The following PRKD1 variants were observed in gnomAD, a reference collection of about 807,000 sequenced individuals.
PRKD1 encodes protein kinase D1, also known as serine/threonine-protein kinase D1.
In PRKD1, 63 loss-of-function variants were observed where a neutral mutation model predicts 95.9. That is an observed-to-expected ratio of 0.66 (90% CI 0.54 to 0.81). The LOEUF is 0.81. PRKD1 is among the 30% of genes least tolerant of loss of function. PRKD1 has a pLI of 0.00. For missense variants in PRKD1, 1,048 were observed against 1,165.3 expected (o/e 0.90, Z 1.47); for synonymous variants, 425 against 423.1 (o/e 1.00, Z -0.05).
intron 1 of PRKD1, among the ~76,000 whole-genome samples, chr14:29,916,404 A>G (rs139195380): frequency 2.6e-5 from 4 of 152,326 alleles, no homozygotes; most frequent in Admixed American, 6.5e-5. Context: ...CTCAGGTGCC[A>G]TAAGTCTCAG....
intron 1 of PRKD1, among the ~76,000 whole-genome samples, chr14:29,863,306 G>A (rs752123600): frequency 1.3e-5 from 2 of 151,892 alleles, no homozygotes; most frequent in Non-Finnish European, 2.9e-5. Flanking sequence ...ATAGATTAAG[G>A]CAAAAACAAG....
intron 1 of PRKD1, among the ~76,000 whole-genome samples, chr14:29,816,290 C>G (rs1033876018): frequency 2.6e-5 from 4 of 152,130 alleles, no homozygotes; most frequent in Admixed American, 2.0e-4. Context: ...TTCTTAGAAG[C>G]TTTTTATCAG....
chr14:29,604,974 G>C (rs913389917), intron 13 of PRKD1, among the ~76,000 whole-genome samples: 53 of 152,066 alleles, frequency 3.5e-4, no homozygotes, highest in African/African-American at 1.2e-3. Flanking sequence ...GAATCACCTA[G>C]GTCAGAAACC....
At chr14:29,838,755 T>C (rs1221607903) in intron 1 of PRKD1, among the ~76,000 whole-genome samples, 4 of 152,224 alleles carry the variant, frequency 2.6e-5, no homozygotes, top group Non-Finnish European at 5.9e-5. Context: ...AAACTATGCA[T>C]AAATTTCAAA....
At chr14:29,782,936 A>C (rs1566598800) in intron 1 of PRKD1, among the ~76,000 whole-genome samples, 1 of 152,238 alleles carries the variant, frequency 6.6e-6, no homozygotes, top group Non-Finnish European at 1.5e-5. Flanking sequence ...ACAAGCATGC[A>C]ATTTGTATTG....
intron 1 of PRKD1, among the ~76,000 whole-genome samples, chr14:29,733,563 T>G (rs1245027713): frequency 6.6e-6 from 1 of 152,112 alleles, no homozygotes; most frequent in East Asian, 1.9e-4. Context: ...TCAGGAAACT[T>G]ACAATCACGG....
chr14:29,663,761 C>A lies in PRKD1; in HGVS notation c.634G>T (p.Val212Phe). The A allele has an allele frequency of 6.2e-7, 1 of 1,614,068 alleles. No homozygotes were observed. The highest frequency in any genetic ancestry group is 8.5e-7 in the Non-Finnish European group (1 of 1,179,982). The change falls in exon 4 of 18, where the codon GTC (valine) becomes TTC (phenylalanine). Residue 212 changes from valine to phenylalanine, a missense_variant. By Grantham distance (50) the Val-to-Phe change is conservative (BLOSUM62 -1). Coordinates refer to ENST00000331968, the MANE Select transcript of PRKD1 (RefSeq NM_002742.3). ...RRLSNVSLTGVSTIRTSSAEL... is the reference protein window; with the variant it reads ...RRLSNVSLTGFSTIRTSSAEL... Reference sequence around the variant, plus strand: ...GCAGATGATGTGCGGATGGTGCTGACCCCAGTGAGGGAAACGTTTGAGAGC... The same window carrying A: ...GCAGATGATGTGCGGATGGTGCTGAACCCAGTGAGGGAAACGTTTGAGAGC...
chr14:29,622,200 G>C (rs2139083820), intron 13 of PRKD1, among the ~76,000 whole-genome samples: 1 of 152,146 alleles, frequency 6.6e-6, no homozygotes, highest in African/African-American at 2.4e-5. Context: ...TGTTCTTAAG[G>C]AGGCGGAACA....
chr14:29,712,278 GACTA>G (rs45562834), intron 2 of PRKD1, among the ~76,000 whole-genome samples: 2 of 152,102 alleles, frequency 1.3e-5, no homozygotes, highest in East Asian at 3.9e-4. Flanking sequence ...CTAAATAGGG[GACTA>G]ACTAACTGCT....
rs11331211 is a variant in PRKD1, at chr14:29,602,427, C to CT, written c.1906-2611dup. Among the ~76,000 whole-genome samples, 848 of 131,412 alleles carry CT rather than the reference C, an allele frequency of 6.5e-3. 3 individuals are homozygous for CT. Among genetic ancestry groups the CT allele is most frequent in the African/African-American group, 0.011 (383 of 34,268 alleles). 86.2% of individuals were successfully genotyped at this position (131,412 alleles called of 152,430 possible). On this transcript the variant is annotated intron_variant, in intron 13 of 17. Transcript: ENST00000331968. ...CTTATGTGCCTCTACCTGTATTCCTCTTTTTTTTTTTTTTTTTGTTTTGAC... is the reference window on the plus strand; with the variant it reads ...CTTATGTGCCTCTACCTGTATTCCTCTTTTTTTTTTTTTTTTTTGTTTTGAC...
At position 29,927,332 on chromosome 14, in the gene PRKD1, G is replaced by T; in HGVS notation, c.181C>A (p.Pro61Thr). The T allele has an allele frequency of 6.4e-7, 1 of 1,564,656 alleles. No individual in the cohort carries two copies. Among genetic ancestry groups the T allele is most frequent in the Non-Finnish European group, 8.6e-7 (1 of 1,157,470 alleles). The change falls in exon 1 of 18, where the codon CCG becomes ACG. Residue 61 changes from proline to threonine, a missense_variant. Pro to Thr is a conservative substitution (Grantham distance 38, BLOSUM62 -1). Transcript: ENST00000331968. ...GACGAGTCCTGCAGCAGCAGCACCG[G>T]CTCACGGCTCAGGCCGATCTGCAGA... ...FHLQIGLSRE[P>T]VLLLQDSSGD...
intron 1 of PRKD1, among the ~76,000 whole-genome samples, chr14:29,739,376 T>A (rs117031617): frequency 6.6e-6 from 1 of 152,204 alleles, no homozygotes; most frequent in Non-Finnish European, 1.5e-5. Context: ...TCTTTTTTTT[T>A]AGCCACTCTC....
intron 1 of PRKD1, among the ~76,000 whole-genome samples, chr14:29,787,183 T>C (rs1466280579): frequency 6.6e-6 from 1 of 151,274 alleles, no homozygotes; most frequent in Non-Finnish European, 1.5e-5. Flanking sequence ...TCCACTGTGG[T>C]CTGAGAAGGT....
chr14:29,867,424 G>A (rs566437523), intron 1 of PRKD1, among the ~76,000 whole-genome samples: 3 of 152,286 alleles, frequency 2.0e-5, no homozygotes, highest in South Asian at 2.1e-4. Context: ...AAAGCTCACC[G>A]TGCAAAGGCT....
Position 29,636,357 on chromosome 14 carries a change from A to C in PRKD1, c.1123T>G (p.Cys375Gly), listed in dbSNP as rs1438968362. The C allele has an allele frequency of 6.2e-7, 1 of 1,614,008 alleles. No homozygotes were observed. Among genetic ancestry groups the C allele is most frequent in the African/African-American group, 1.3e-5 (1 of 74,892 alleles). The change falls in exon 7 of 18, where the codon TGC becomes GGC. Residue 375 changes from cysteine to glycine, a missense_variant. Transcript: ENST00000331968. ...VQDAEMAMAECQNDSGEMQDP... is the reference protein window; with the variant it reads ...VQDAEMAMAEGQNDSGEMQDP... ...TGCATCTCGCCACTGTCGTTCTGGC[A>C]CTCTGCCATTGCCATCTCTGCATCT...
chr14:29,776,151 T>C (rs1329728145), intron 1 of PRKD1, among the ~76,000 whole-genome samples: 1 of 152,072 alleles, frequency 6.6e-6, no homozygotes, highest in Non-Finnish European at 1.5e-5. Context: ...CAGTACGTCA[T>C]CATAATCAAA....
intron 11 of PRKD1, among the ~76,000 whole-genome samples, chr14:29,627,699 T>TA (rs45559241): frequency 0.93 from 141,998 of 152,020 alleles, 66,602 homozygotes; most frequent in Non-Finnish European, 0.98. Context: ...TAAAGTATAA[T>TA]AAAAAGAAGC....
chr14:29,781,565 G>A (rs1227943357), intron 1 of PRKD1, among the ~76,000 whole-genome samples: 2 of 152,192 alleles, frequency 1.3e-5, no homozygotes, highest in African/African-American at 4.8e-5. Context: ...AATTTATCCG[G>A]CCTGAGCCAA....
intron 1 of PRKD1, among the ~76,000 whole-genome samples, chr14:29,852,056 AAC>A (rs1892329772): frequency 6.6e-6 from 1 of 152,142 alleles, no homozygotes; most frequent in African/African-American, 2.4e-5. Flanking sequence ...TAAAGATAGG[AAC>A]AACAGACACT....
Sources: gnomAD v4.1 joint callset for allele counts (sites outside exome capture counted in the v4.1 genomes callset) on GRCh38, gnomAD v4.1.1 for gene constraint, MANE v1.5 for transcripts, NCBI Gene and HGNC (gene_info 2026-07-23, HGNC 2026-07-21) for gene names.